LHFPL6: variants seen among roughly 807,000 people sequenced by gnomAD.
The protein encoded by LHFPL6 is LHFPL tetraspan subfamily member 6.
A neutral mutation model predicts 20.6 loss-of-function variants in LHFPL6; 9 were observed. The observed-to-expected ratio is 0.44, with a 90% CI of 0.26 to 0.76. The LOEUF (loss-of-function observed/expected upper bound fraction) is 0.76. LHFPL6 is among the 30% of genes least tolerant of loss of function. The probability of loss-of-function intolerance (pLI) is 0.20; values close to 1 mark genes in which losing one functional copy is unlikely to be tolerated. For synonymous variants in LHFPL6, 105 were observed against 98.7 expected (o/e 1.06, Z -0.38); for missense variants, 218 against 253.5 (o/e 0.86, Z 0.95).
intron 2 of LHFPL6, among the ~76,000 whole-genome samples, chr13:39,399,644 T>C (rs1870936109): frequency 6.6e-6 from 1 of 152,320 alleles, no homozygotes; most frequent in African/African-American, 2.4e-5. Flanking sequence ...GATCACGCTG[T>C]GGAAAGCAAA....
intron 3 of LHFPL6, among the ~76,000 whole-genome samples, chr13:39,369,350 A>G (rs1254090155): frequency 1.3e-5 from 2 of 152,156 alleles, no homozygotes; most frequent in East Asian, 3.9e-4. Context: ...TAGACTTGAG[A>G]AAAAAAGAAT....
At chr13:39,353,473 T>C (rs527437757) in intron 3 of LHFPL6, among the ~76,000 whole-genome samples, 49 of 151,772 alleles carry the variant, frequency 3.2e-4, no homozygotes, top group Admixed American at 2.3e-3. Context: ...ATGCCTGTAA[T>C]CCCAGCACTT....
At chr13:39,496,454 G>C (rs760674488) in intron 2 of LHFPL6, among the ~76,000 whole-genome samples, 4 of 152,160 alleles carry the variant, frequency 2.6e-5, no homozygotes, top group Non-Finnish European at 5.9e-5. Flanking sequence ...ACAGCACCTT[G>C]AGACCATAAG....
intron 2 of LHFPL6, among the ~76,000 whole-genome samples, chr13:39,531,988 G>A (rs1870481515): frequency 1.3e-5 from 2 of 151,928 alleles, no homozygotes; most frequent in Non-Finnish European, 2.9e-5. Flanking sequence ...TCTGTTATTG[G>A]TTTATGCTTC....
chr13:39,450,512 G>A (rs1453006768), intron 2 of LHFPL6, among the ~76,000 whole-genome samples: 1 of 152,126 alleles, frequency 6.6e-6, no homozygotes, highest in Non-Finnish European at 1.5e-5. Context: ...GGGTGTGTGG[G>A]TGTGAGATAT....
chr13:39,594,270 G>GA lies in LHFPL6; in HGVS notation c.385+6561dup, dbSNP rs1401250211. ...ACAGTGAACTCAAACAAATTTACAA[G>GA]AAAAAACCACACAACCCCATCAAAA... On this transcript the variant is annotated intron_variant, in intron 2 of 3. Coordinates refer to ENST00000379589, the MANE Select transcript of LHFPL6 (RefSeq NM_005780.3). Among the ~76,000 whole-genome samples, 10 of 152,186 alleles carry GA rather than the reference G, an allele frequency of 6.6e-5. No homozygotes were observed. The East Asian group carries it at 7.7e-4, about 12-fold the overall frequency.
Position 39,491,271 on chromosome 13 carries a change from G to GT in LHFPL6, c.385+109560dup, listed in dbSNP as rs1368917746. ...ACTCATGGCAGAAGTGACATGTGAA[G>GT]TAATTCCTAGTCTGGGCCATGAGGG... On this transcript the variant is annotated intron_variant, in intron 2 of 3. Coordinates refer to ENST00000379589, the MANE Select transcript of LHFPL6 (RefSeq NM_005780.3). Among the ~76,000 whole-genome samples, 13 of 152,312 alleles carry GT rather than the reference G, an allele frequency of 8.5e-5. No individual in the cohort carries two copies. The East Asian group carries it at 2.3e-3, about 27-fold the overall frequency.
chr13:39,566,521 A>C lies in LHFPL6; in HGVS notation c.385+34311T>G, dbSNP rs138860842. Among the ~76,000 whole-genome samples the C allele has an allele frequency of 4.3e-3, 656 of 152,048 alleles. 5 individuals are homozygous for C. Among genetic ancestry groups the C allele is most frequent in the African/African-American group, 0.015 (636 of 41,460 alleles). ...TCTGGGAGGCTGAGACAGGTGGATC[A>C]CTAGAGCCTAGGAGTTTGAGACGAG... is the stretch of plus-strand genomic sequence containing the variant. On this transcript the variant is annotated intron_variant, in intron 2 of 3. Coordinates refer to ENST00000379589, the MANE Select transcript of LHFPL6 (RefSeq NM_005780.3).
chr13:39,483,745 G>C (rs900890768), intron 2 of LHFPL6, among the ~76,000 whole-genome samples: 1 of 152,258 alleles, frequency 6.6e-6, no homozygotes, highest in South Asian at 2.1e-4. Context: ...ATAGCTTATT[G>C]ACTGAGCAAC....
At chr13:39,365,860 G>A (rs1401974646) in intron 3 of LHFPL6, among the ~76,000 whole-genome samples, 1 of 152,200 alleles carries the variant, frequency 6.6e-6, no homozygotes, top group Non-Finnish European at 1.5e-5. Context: ...CTTTAGGGAT[G>A]ATCAAGCCGT....
At chr13:39,582,142 A>C (rs1420596868) in intron 2 of LHFPL6, among the ~76,000 whole-genome samples, 1 of 152,152 alleles carries the variant, frequency 6.6e-6, no homozygotes, top group African/African-American at 2.4e-5. Context: ...TCCTGTAGAC[A>C]CATCAGTCTC....
At position 39,578,612 on chromosome 13, in the gene LHFPL6, G is replaced by A. The variant is rs549910621; in HGVS notation, c.385+22220C>T. 3.0e-4 allele frequency among the ~76,000 whole-genome samples: 45 copies of A among 152,250 alleles called. 1 individual carries two copies. In the South Asian group the frequency reaches 9.1e-3, roughly 31 times the overall value. On this transcript the variant is annotated intron_variant, in intron 2 of 3. Coordinates refer to ENST00000379589, the MANE Select transcript of LHFPL6 (RefSeq NM_005780.3). Reference sequence around the variant, plus strand: ...CAAGCAAGTCATGAACCCCAAATCAGTATCTTGCTCAGGTAAACACCTGAA... The same window carrying A: ...CAAGCAAGTCATGAACCCCAAATCAATATCTTGCTCAGGTAAACACCTGAA...
At chr13:39,520,346 C>A (rs1870067642) in intron 2 of LHFPL6, among the ~76,000 whole-genome samples, 1 of 152,102 alleles carries the variant, frequency 6.6e-6, no homozygotes, top group African/African-American at 2.4e-5. Flanking sequence ...GACCAGCCCT[C>A]CTATCAGGGA....
intron 2 of LHFPL6, among the ~76,000 whole-genome samples, chr13:39,576,154 A>G (rs1252877078): frequency 6.6e-6 from 1 of 152,200 alleles, no homozygotes; most frequent in Non-Finnish European, 1.5e-5. Context: ...CCAAAAGTAG[A>G]GGAAATAAGC....
chr13:39,352,972 C>CATATATATATAT (rs374747296), intron 3 of LHFPL6, among the ~76,000 whole-genome samples: 1 of 69,134 alleles, frequency 1.4e-5, no homozygotes, highest in African/African-American at 6.6e-5. Context: ...CACACACACA[C>CATATATATATAT]ATATATATAT....
At chr13:39,462,134 T>A (rs114213424) in intron 2 of LHFPL6, among the ~76,000 whole-genome samples, 1,957 of 152,224 alleles carry the variant, frequency 0.013, 40 homozygotes, top group African/African-American at 0.045. Context: ...TAACTCTTTA[T>A]GGACAGAGCA....
intron 2 of LHFPL6, among the ~76,000 whole-genome samples, chr13:39,421,853 G>T (rs1200880794): frequency 6.6e-6 from 1 of 152,180 alleles, no homozygotes; most frequent in South Asian, 2.1e-4. Context: ...TTTGAATTCT[G>T]TTCCTTTACC....
chr13:39,382,653 G>A (rs528410853), intron 2 of LHFPL6, among the ~76,000 whole-genome samples: 50 of 152,220 alleles, frequency 3.3e-4, no homozygotes, highest in African/African-American at 1.2e-3. Flanking sequence ...CTCCCAAACT[G>A]CTGGGATTAC....
At chr13:39,384,077 T>G (rs1870504094) in intron 2 of LHFPL6, among the ~76,000 whole-genome samples, 2 of 152,202 alleles carry the variant, frequency 1.3e-5, no homozygotes, top group Non-Finnish European at 2.9e-5. Context: ...TGGTTTCTCT[T>G]ACTGGTCAAA....
Sources: allele counts gnomAD v4.1 joint callset (sites outside exome capture counted in the v4.1 genomes callset), GRCh38; gene constraint gnomAD v4.1.1; transcripts MANE v1.5; gene names NCBI Gene and HGNC (gene_info 2026-07-23, HGNC 2026-07-21).